The following FHIT variants were observed in gnomAD, a reference collection of about 807,000 sequenced individuals.
FHIT encodes the protein bis(5'-adenosyl)-triphosphatase.
In FHIT, 19 loss-of-function variants were observed where a neutral mutation model predicts 17.9. The ratio of observed to expected loss-of-function variants is 1.06; its 90% CI spans 0.74 to 1.56. The LOEUF is 1.56. FHIT is among the 40% of genes most tolerant of loss of function. The probability of loss-of-function intolerance (pLI) is 0.00; values close to 1 mark genes in which losing one functional copy is unlikely to be tolerated. For synonymous variants in FHIT, 81 were observed against 69.7 expected, an observed-to-expected ratio of 1.16 and a Z score of -0.81; for missense variants, 248 against 189.2, an observed-to-expected ratio of 1.31 and a Z score of -1.82.
chr3:60,992,381 G>C (rs558817810), intron 3 of FHIT, among the ~76,000 whole-genome samples: 2 of 152,286 alleles, frequency 1.3e-5, no homozygotes, highest in Admixed American at 1.3e-4. Flanking sequence ...AACTTTTACT[G>C]ATGTATGTGT....
chr3:61,132,849 T>C (rs1264687875), intron 2 of FHIT, among the ~76,000 whole-genome samples: 1 of 151,238 alleles, frequency 6.6e-6, no homozygotes, highest in African/African-American at 2.4e-5. Flanking sequence ...AAGCCAGAAG[T>C]AAAAGAAAAA....
At chr3:60,568,106 A>G (rs796109613) in intron 4 of FHIT, among the ~76,000 whole-genome samples, 2 of 152,146 alleles carry the variant, frequency 1.3e-5, no homozygotes, top group East Asian at 1.9e-4. Context: ...CCCATTACTG[A>G]GTATATACCC....
intron 4 of FHIT, among the ~76,000 whole-genome samples, chr3:60,744,524 A>G (rs1340706667): frequency 6.6e-6 from 1 of 152,190 alleles, no homozygotes; most frequent in Non-Finnish European, 1.5e-5. Context: ...AGAATAATTT[A>G]CACTTTATAG....
At chr3:61,043,307 C>T (rs183316216) in intron 2 of FHIT, among the ~76,000 whole-genome samples, 1 of 152,308 alleles carries the variant, frequency 6.6e-6, no homozygotes, top group Non-Finnish European at 1.5e-5. Flanking sequence ...GAGATTATAT[C>T]CCGCGCCTAG....
chr3:60,082,757 C>T (rs1703344085), intron 5 of FHIT, among the ~76,000 whole-genome samples: 2 of 152,020 alleles, frequency 1.3e-5, no homozygotes, highest in South Asian at 2.1e-4. Context: ...TGTTTGTTTG[C>T]TGCTTGTATG....
intron 5 of FHIT, among the ~76,000 whole-genome samples, chr3:60,105,752 ATT>A (rs5849327): frequency 5.3e-5 from 8 of 151,592 alleles, no homozygotes; most frequent in Non-Finnish European, 1.0e-4. Context: ...AAAAGTGTGG[ATT>A]TTTTTTTAGT....
intron 8 of FHIT, among the ~76,000 whole-genome samples, chr3:59,843,578 T>A (rs918383613): frequency 3.3e-5 from 5 of 152,328 alleles, no homozygotes; most frequent in African/African-American, 1.2e-4. Flanking sequence ...TGATACCTTC[T>A]TTCAGAAATG....
chr3:60,955,841 G>T (rs1179546628), intron 3 of FHIT, among the ~76,000 whole-genome samples: 2 of 151,524 alleles, frequency 1.3e-5, no homozygotes, highest in Non-Finnish European at 2.9e-5. Flanking sequence ...GTGGTTCATG[G>T]GTGTTTAGTT....
At chr3:60,289,015 G>C (rs1443738775) in intron 5 of FHIT, among the ~76,000 whole-genome samples, 1 of 152,142 alleles carries the variant, frequency 6.6e-6, no homozygotes, top group Non-Finnish European at 1.5e-5. Context: ...TCAGAGGTTA[G>C]TGTAAGTGAA....
intron 8 of FHIT, among the ~76,000 whole-genome samples, chr3:59,890,344 G>A (rs966646590): frequency 1.1e-4 from 16 of 152,040 alleles, no homozygotes; most frequent in African/African-American, 3.9e-4. Context: ...AATACGGACT[G>A]AGCATCAATC....
Position 60,664,508 on chromosome 3 carries a change from T to G in FHIT, c.-17-127529A>C, listed in dbSNP as rs1004106165. On this transcript the variant is annotated intron_variant, in intron 4 of 9. Coordinates refer to ENST00000492590, the MANE Select transcript of FHIT (RefSeq NM_002012.4). ...ATCAGGGTAATAATGAGTTGAAAAG[T>G]GTTCCTGCCTCTTCTATTTTCTAGA... Among the ~76,000 whole-genome samples, 5 of 152,032 alleles carry G rather than the reference T, an allele frequency of 3.3e-5. No individual in the cohort carries two copies. In the East Asian group the frequency reaches 9.6e-4, roughly 29 times the overall value.
At chr3:60,126,191 C>T (rs746664595) in intron 5 of FHIT, among the ~76,000 whole-genome samples, 9 of 152,162 alleles carry the variant, frequency 5.9e-5, no homozygotes, top group Non-Finnish European at 1.3e-4. Flanking sequence ...AAACATCTCT[C>T]CTACTGTGTT....
intron 4 of FHIT, among the ~76,000 whole-genome samples, chr3:60,560,845 A>AGAGAGC (rs2036915470): frequency 3.5e-5 from 3 of 85,370 alleles, no homozygotes; most frequent in African/African-American, 1.1e-4. Flanking sequence ...ACACACACAC[A>AGAGAGC]GAGAGAGAGA....
At chr3:60,287,677 A>C (rs1707791383) in intron 5 of FHIT, among the ~76,000 whole-genome samples, 1 of 152,170 alleles carries the variant, frequency 6.6e-6, no homozygotes, top group Non-Finnish European at 1.5e-5. Context: ...TCTCATCATC[A>C]AGTATTATGT....
chr3:60,784,300 A>G (rs1200457237), intron 4 of FHIT, among the ~76,000 whole-genome samples: 1 of 151,392 alleles, frequency 6.6e-6, no homozygotes, highest in Non-Finnish European at 1.5e-5. Context: ...GGCTGTTCTC[A>G]GGTGACCTGC....
chr3:61,045,787 G>A (rs1263694000), intron 2 of FHIT, among the ~76,000 whole-genome samples: 1 of 152,110 alleles, frequency 6.6e-6, no homozygotes, highest in East Asian at 1.9e-4. Flanking sequence ...ATAACAAACT[G>A]TCTCTCAGAC....
intron 1 of FHIT, among the ~76,000 whole-genome samples, chr3:61,251,062 A>G (rs2040611855): frequency 1.3e-5 from 2 of 152,080 alleles, no homozygotes; most frequent in South Asian, 4.1e-4. Context: ...AGTTTCCCCA[A>G]TGTATAAACA....
At chr3:60,734,330 T>C (rs900925432) in intron 4 of FHIT, among the ~76,000 whole-genome samples, 2 of 152,200 alleles carry the variant, frequency 1.3e-5, no homozygotes, top group Non-Finnish European at 2.9e-5. Context: ...AAGGTACACA[T>C]ACAATTTATT....
intron 5 of FHIT, among the ~76,000 whole-genome samples, chr3:60,037,962 C>T (rs532804647): frequency 2.0e-4 from 31 of 152,156 alleles, no homozygotes; most frequent in African/African-American, 7.5e-4. Flanking sequence ...AATCTGCCCG[C>T]CTCGGCCTCC....
Sources: gnomAD v4.1 joint callset for allele counts (sites outside exome capture counted in the v4.1 genomes callset) on GRCh38, gnomAD v4.1.1 for gene constraint, MANE v1.5 for transcripts, NCBI Gene and HGNC (gene_info 2026-07-23, HGNC 2026-07-21) for gene names.